The following TRPC6 variants were observed in gnomAD, a reference collection of about 807,000 sequenced individuals.
TRPC6 encodes the protein short transient receptor potential channel 6.
In TRPC6, 55 loss-of-function variants were observed where a neutral mutation model predicts 90.7. The ratio of observed to expected loss-of-function variants is 0.61; its 90% CI spans 0.49 to 0.76. TRPC6 has a LOEUF of 0.76. TRPC6 is among the 30% of genes least tolerant of loss of function. TRPC6 has a pLI of 0.00. For missense variants in TRPC6, 989 were observed against 1,122.7 expected (o/e 0.88, Z 1.70); for synonymous variants, 393 against 393.0 (o/e 1.00, Z 0.00).
intron 12 of TRPC6, 74 bp from the exon 13 acceptor site, chr11:101,453,180 G>T (rs1156501293): frequency 1.5e-6 from 2 of 1,375,128 alleles, no homozygotes; most frequent in East Asian, 4.6e-5. Context: ...TGGGACAGGA[G>T]GAAATCAGCT....
chr11:101,558,021 G>A (rs1025428859), intron 1 of TRPC6, among the ~76,000 whole-genome samples: 1 of 151,844 alleles, frequency 6.6e-6, no homozygotes, highest in East Asian at 1.9e-4. Context: ...CATAAAAAGA[G>A]AAAAACAGTC....
intron 1 of TRPC6, among the ~76,000 whole-genome samples, chr11:101,537,056 G>C (rs1227432424): frequency 6.6e-6 from 1 of 152,200 alleles, no homozygotes; most frequent in Admixed American, 6.5e-5. Context: ...CAAGTGTCTG[G>C]ACTGAACCTC....
In TRPC6 at chr11:101,583,516, C is replaced by G; in HGVS notation, c.-13G>C. The G allele has an allele frequency of 6.8e-7, 1 of 1,465,016 alleles. No individual in the cohort carries two copies. The highest frequency in any genetic ancestry group is 1.4e-5 in the South Asian group (1 of 73,484). The allele number at this position is 1,465,016 out of a possible 1,614,324, so 90.8% of individuals were successfully genotyped here. ...GGCTCTGGCTCATGGCGGGAACGCC[C>G]GACTGGCCTGGGCCCCGCTCCCGGG... On this transcript the variant is annotated 5_prime_UTR_variant, in exon 1 of 13. Transcript: ENST00000344327.
intron 1 of TRPC6, among the ~76,000 whole-genome samples, chr11:101,505,198 A>C (rs1860231043): frequency 6.6e-6 from 1 of 152,206 alleles, no homozygotes; most frequent in African/African-American, 2.4e-5. Context: ...ACAATAGCAA[A>C]TCCACTCAAG....
rs1215652738 is a variant in TRPC6 at position 101,455,392 on chromosome 11, G to C, written c.2485-291C>G. The C allele has an allele frequency of 6.7e-5, 21 of 311,708 alleles. No individual in the cohort carries two copies. In the East Asian group the frequency reaches 1.2e-3, roughly 18 times the overall value. 19.3% of individuals were successfully genotyped at this position (311,708 alleles called of 1,614,324 possible). The stretch of plus-strand genomic sequence containing the variant: ...CGCGTTAACCTTCTCACAGATGAAT[G>C]CATGGTAGAGAAAGAGTCAAACAAA... On this transcript the variant is annotated intron_variant, in intron 10 of 12. Coordinates refer to ENST00000344327, the MANE Select transcript of TRPC6 (RefSeq NM_004621.6).
In TRPC6 at chr11:101,488,946, T is replaced by C; in HGVS notation, c.1284A>G (p.Pro428=). Residue 428 remains proline (P), a synonymous_variant, in exon 4 of 13, where the codon CCA becomes CCG. Coordinates refer to ENST00000344327, the MANE Select transcript of TRPC6 (RefSeq NM_004621.6). ...PFLALIYWFA[P]CSKMGKIMRG... ...GGCTTCACATACATACCTTGCTGCATGGAGCAAACCAGTAAATGAGAGCCA... is the reference window on the plus strand; with the variant it reads ...GGCTTCACATACATACCTTGCTGCACGGAGCAAACCAGTAAATGAGAGCCA... 6.2e-7 allele frequency: 1 copy of C among 1,614,126 alleles called. No individual in the cohort carries two copies. Among genetic ancestry groups the C allele is most frequent in the Non-Finnish European group, 8.5e-7 (1 of 1,179,984 alleles).
chr11:101,515,303 G>A (rs766789944), intron 1 of TRPC6, among the ~76,000 whole-genome samples: 7 of 152,076 alleles, frequency 4.6e-5, no homozygotes, highest in Non-Finnish European at 1.0e-4. Context: ...TTTTTTGTTC[G>A]TTTGTTTTTT....
intron 1 of TRPC6, among the ~76,000 whole-genome samples, chr11:101,525,254 A>G (rs1860752206): frequency 6.6e-6 from 1 of 152,250 alleles, no homozygotes; most frequent in Admixed American, 6.5e-5. Flanking sequence ...CTCGAATCCT[A>G]GCTTATGAGT....
intron 1 of TRPC6, among the ~76,000 whole-genome samples, chr11:101,524,066 C>T (rs186289902): frequency 1.3e-5 from 2 of 152,338 alleles, no homozygotes; most frequent in East Asian, 3.9e-4. Flanking sequence ...ACATACTCAG[C>T]TGCCTACATC....
intron 1 of TRPC6, among the ~76,000 whole-genome samples, chr11:101,548,280 A>ATAAATATATATATATATATATATAATT (rs1861360180): frequency 1.5e-5 from 2 of 135,500 alleles, no homozygotes; most frequent in Non-Finnish European, 3.2e-5. Context: ...TATAATTTAT[A>ATAAATATATATATATATATATATAATT]TATATAATTA....
At chr11:101,481,902 G>A (rs1215256905) in intron 5 of TRPC6, among the ~76,000 whole-genome samples, 1 of 152,096 alleles carries the variant, frequency 6.6e-6, no homozygotes, top group Non-Finnish European at 1.5e-5. Context: ...CTCCTTCTCT[G>A]CCTAACTCAT....
At chr11:101,558,299 G>T (rs1414534210) in intron 1 of TRPC6, among the ~76,000 whole-genome samples, 1 of 132,950 alleles carries the variant, frequency 7.5e-6, no homozygotes, top group Non-Finnish European at 1.6e-5. Flanking sequence ...ACATGTATAT[G>T]GGTATACATG....
In TRPC6 at chr11:101,491,833, A is replaced by ATT. The variant is rs200869151; in HGVS notation, c.946-97_946-96dup. On this transcript the variant is annotated intron_variant, in intron 2 of 12. Coordinates refer to ENST00000344327, the MANE Select transcript of TRPC6 (RefSeq NM_004621.6). ...AAGGATTTTATACTTTAAGAGAAAC[A>ATT]TTCTTTTTTTTTTTTTTTTTTTTTT... is the stretch of plus-strand genomic sequence containing the variant. 1.7e-3 allele frequency: 1,305 copies of ATT among 781,126 alleles called. 2 individuals carry two copies. The highest frequency in any genetic ancestry group is 4.7e-3 in the Middle Eastern group (11 of 2,346). 48.4% of individuals were successfully genotyped at this position (781,126 alleles called of 1,614,324 possible).
intron 1 of TRPC6, among the ~76,000 whole-genome samples, chr11:101,557,629 C>CAA (rs1555012427): frequency 4.5e-5 from 6 of 134,584 alleles, no homozygotes; most frequent in African/African-American, 1.3e-4. Flanking sequence ...CACACACACA[C>CAA]AAAAAAAAAC....
chr11:101,532,305 AG>A (rs1860926662), intron 1 of TRPC6, among the ~76,000 whole-genome samples: 1 of 152,222 alleles, frequency 6.6e-6, no homozygotes, highest in Admixed American at 6.5e-5. Flanking sequence ...TCAGCTATTT[AG>A]AAAATTGGAA....
chr11:101,583,621 T>G lies in TRPC6; in HGVS notation c.-118A>C. 1 of 1,158,816 alleles carries G rather than the reference T, an allele frequency of 8.6e-7. No individual in the cohort carries two copies. The highest frequency in any genetic ancestry group is 1.1e-6 in the Non-Finnish European group (1 of 878,918). 71.8% of individuals were successfully genotyped at this position (1,158,816 alleles called of 1,614,324 possible). ...GCCGAACTGGACCTGGGCAGACCGG[T>G]GCCCAGGGGACGACGGTGAAGCAGG... On this transcript the variant is annotated 5_prime_UTR_variant, in exon 1 of 13. Coordinates refer to ENST00000344327, the MANE Select transcript of TRPC6 (RefSeq NM_004621.6).
At chr11:101,543,739 T>A (rs1861229881) in intron 1 of TRPC6, among the ~76,000 whole-genome samples, 1 of 152,122 alleles carries the variant, frequency 6.6e-6, no homozygotes, top group South Asian at 2.1e-4. Flanking sequence ...TAACTCAAGA[T>A]GGATTAAAGA....
intron 1 of TRPC6, among the ~76,000 whole-genome samples, chr11:101,569,716 C>T (rs1861915131): frequency 6.6e-6 from 1 of 152,172 alleles, no homozygotes; most frequent in East Asian, 1.9e-4. Context: ...TTAAGAAACT[C>T]ACTCAAAACC....
intron 10 of TRPC6, among the ~76,000 whole-genome samples, chr11:101,466,776 A>C (rs1158483146): frequency 2.0e-5 from 3 of 152,096 alleles, no homozygotes; most frequent in African/African-American, 7.2e-5. Context: ...AACAAACAAA[A>C]AAAACTCCTG....
Sources: allele counts gnomAD v4.1 joint callset (sites outside exome capture counted in the v4.1 genomes callset), GRCh38; gene constraint gnomAD v4.1.1; transcripts MANE v1.5; gene names NCBI Gene and HGNC (gene_info 2026-07-23, HGNC 2026-07-21).